The following FBXL14 variants were observed in gnomAD, a reference collection of about 807,000 sequenced individuals.
FBXL14 encodes the protein F-box and leucine rich repeat protein 14.
Under a neutral mutation model 24.5 loss-of-function variants are expected in FBXL14, and 11 were observed. The observed-to-expected ratio is 0.45, with a 90% CI of 0.28 to 0.74. The LOEUF (loss-of-function observed/expected upper bound fraction) is 0.74. Among genes scored for constraint, FBXL14 ranks in the 30% least tolerant of loss-of-function variants. The pLI is 0.12. For synonymous variants in FBXL14, 294 were observed against 240.4 expected, an observed-to-expected ratio of 1.22 and a Z score of -2.06; for missense variants, 384 against 545.6, an observed-to-expected ratio of 0.70 and a Z score of 2.95.
At chr12:1,571,777 A>T (rs2094445940) in intron 1 of FBXL14, among the ~76,000 whole-genome samples, 1 of 152,232 alleles carries the variant, frequency 6.6e-6, no homozygotes, top group Non-Finnish European at 1.5e-5. Context: ...CTAATAGCTC[A>T]GTCTGTCTTC....
At chr12:1,585,057 T>C (rs1252773630) in intron 1 of FBXL14, among the ~76,000 whole-genome samples, 2 of 152,206 alleles carry the variant, frequency 1.3e-5, no homozygotes, top group Non-Finnish European at 2.9e-5. Flanking sequence ...GGCTCCTCCC[T>C]GTTTAGTGAC....
intron 1 of FBXL14, among the ~76,000 whole-genome samples, chr12:1,580,567 C>G (rs187394685): frequency 6.6e-6 from 1 of 152,070 alleles, no homozygotes; most frequent in Non-Finnish European, 1.5e-5. Context: ...CTATTCTTCT[C>G]TAGTAATCCC....
intron 1 of FBXL14, among the ~76,000 whole-genome samples, chr12:1,590,284 G>A (rs984112007): frequency 6.6e-6 from 1 of 152,126 alleles, no homozygotes; most frequent in African/African-American, 2.4e-5. Context: ...GGAACAATGC[G>A]GCTTTTGTGA....
At chr12:1,577,508 AC>A (rs1294590323) in intron 1 of FBXL14, among the ~76,000 whole-genome samples, 1 of 152,200 alleles carries the variant, frequency 6.6e-6, no homozygotes, top group Non-Finnish European at 1.5e-5. Context: ...TAATTTTTTA[AC>A]CCTGCGGTGT....
intron 1 of FBXL14, 115 bp from the exon 2 acceptor site, chr12:1,566,925 G>A: frequency 1.6e-6 from 1 of 640,434 alleles, no homozygotes; most frequent in South Asian, 1.8e-5. Context: ...TAACTGACCT[G>A]GGGGAAGGGA....
chr12:1,572,188 A>G (rs985536400), intron 1 of FBXL14, among the ~76,000 whole-genome samples: 10 of 152,260 alleles, frequency 6.6e-5, no homozygotes, highest in Non-Finnish European at 1.5e-5. Context: ...TTTAGGTGAC[A>G]GTATGACAAT....
chr12:1,590,702 C>T (rs1385942996), intron 1 of FBXL14, among the ~76,000 whole-genome samples: 1 of 152,186 alleles, frequency 6.6e-6, no homozygotes, highest in African/African-American at 2.4e-5. Context: ...GTGCAAAATC[C>T]TGGCCAAGCT....
At position 1,593,740 on chromosome 12, in the gene FBXL14, G is replaced by A. The variant is rs369693385; in HGVS notation, c.327C>T (p.Gly109=). The change falls in exon 1 of 2, where the codon GGC becomes GGT. Residue 109 remains glycine, a synonymous_variant. Transcript: ENST00000339235. This position sits in a 1 kb window ranked among gnomAD's most constrained non-coding sequence, Gnocchi z 7.4. ...AGCCGATCTCCTGCACAAACGCGTG[G>A]CCCAGCCCGTTGTCGGTGAGGTTGT... ...GCYNLTDNGL[G]HAFVQEIGSL... is the part of the protein sequence containing the mutation. 2 of 1,614,136 alleles carry A rather than the reference G, an allele frequency of 1.2e-6. No homozygotes were observed. The highest frequency in any genetic ancestry group is 1.7e-5 in the Admixed American group (1 of 60,034).
At position 1,569,469 on chromosome 12, in the gene FBXL14, C is replaced by T. The variant is rs576116482; in HGVS notation, c.1195-2659G>A. 4.2e-4 allele frequency among the ~76,000 whole-genome samples: 63 copies of T among 151,350 alleles called. No homozygotes were observed. The highest frequency in any genetic ancestry group is 7.8e-4 in the Non-Finnish European group (53 of 67,898). On this transcript the variant is annotated intron_variant, in intron 1 of 1. Transcript: ENST00000339235. The surrounding 1 kb of genome is among the most constrained non-coding windows in gnomAD (Gnocchi z 4.2). ...AGGCTAGAGTGCAGTGCCGCAATCT[C>T]GGCTCACTGCAAGCTCCGCTTCCCG...
intron 1 of FBXL14, among the ~76,000 whole-genome samples, chr12:1,572,327 G>T (rs939787676): frequency 2.0e-5 from 3 of 152,212 alleles, no homozygotes; most frequent in Non-Finnish European, 4.4e-5. Context: ...CATGAAACCA[G>T]CACCACAGTC....
intron 1 of FBXL14, among the ~76,000 whole-genome samples, chr12:1,575,765 T>C (rs914889318): frequency 1.2e-4 from 19 of 152,034 alleles, no homozygotes; most frequent in African/African-American, 4.3e-4. Flanking sequence ...GTGGAGTGTG[T>C]GCAATCATGT....
rs1475111352 is a variant in FBXL14 at position 1,566,671 on chromosome 12, C to T, written c.*77G>A. On this transcript the variant is annotated 3_prime_UTR_variant, in exon 2 of 2. Coordinates refer to ENST00000339235, the MANE Select transcript of FBXL14 (RefSeq NM_152441.3). ...GGCAGGGAAACCTGAGCTGTCATCA[C>T]CAGAGTGCCGGAGGCGCAGAGCGGG... The T allele has an allele frequency of 1.3e-6, 1 of 772,798 alleles. No homozygotes were observed. The highest frequency in any genetic ancestry group is 1.7e-5 in the Admixed American group (1 of 58,312). 47.9% of individuals were successfully genotyped at this position (772,798 alleles called of 1,614,324 possible).
At position 1,592,784 on chromosome 12, in the gene FBXL14, A is replaced by G; in HGVS notation, c.1194+89T>C. ...TCATCCGCTGCAATGATCTGTGCGT[A>G]AGTGTGCGTGTGAGTGTGTGGGGGC... On this transcript the variant is annotated intron_variant, in intron 1 of 1. Coordinates refer to ENST00000339235, the MANE Select transcript of FBXL14 (RefSeq NM_152441.3). The G allele has an allele frequency of 1.1e-5, 12 of 1,122,538 alleles. No individual in the cohort carries two copies. The South Asian group carries it at 1.5e-4, about 14-fold the overall frequency. The allele number at this position is 1,122,538 out of a possible 1,614,324, so 69.5% of individuals were successfully genotyped here. A position where few individuals can be genotyped will look rare whatever the true frequency, so the allele number is the denominator to read the frequency against.
chr12:1,587,192 G>A (rs2094478452), intron 1 of FBXL14, among the ~76,000 whole-genome samples: 1 of 148,138 alleles, frequency 6.8e-6, no homozygotes, highest in African/African-American at 2.5e-5. Context: ...AGCCAAGATC[G>A]TGCCATTGCA....
chr12:1,585,461 C>T (rs2094474753), intron 1 of FBXL14, among the ~76,000 whole-genome samples: 1 of 152,056 alleles, frequency 6.6e-6, no homozygotes, highest in African/African-American at 2.4e-5. Context: ...CCAAGATTTC[C>T]TAAGGAGAAA....
chr12:1,573,240 A>G (rs2094448506), intron 1 of FBXL14, among the ~76,000 whole-genome samples: 1 of 152,184 alleles, frequency 6.6e-6, no homozygotes, highest in African/African-American at 2.4e-5. Flanking sequence ...GGTAAATGCC[A>G]GTACTGTCTG....
chr12:1,579,098 C>G lies in FBXL14; in HGVS notation c.1195-12288G>C, dbSNP rs2094461348. On this transcript the variant is annotated intron_variant, in intron 1 of 1. Coordinates refer to ENST00000339235, the MANE Select transcript of FBXL14 (RefSeq NM_152441.3). The surrounding 1 kb of genome is among the most constrained non-coding windows in gnomAD (Gnocchi z 4.3). ...GCTTTCTTTAGGGAAACGACATGGT[C>G]TCCTCCTGTAACACTCCCCAAAAGA... 6.6e-6 allele frequency among the ~76,000 whole-genome samples: 1 copy of G among 152,062 alleles called. No homozygotes were observed. The highest frequency in any genetic ancestry group is 1.5e-5 in the Non-Finnish European group (1 of 68,012).
chr12:1,588,778 T>C (rs2094482097), intron 1 of FBXL14, among the ~76,000 whole-genome samples: 2 of 152,204 alleles, frequency 1.3e-5, no homozygotes, highest in Non-Finnish European at 2.9e-5. Flanking sequence ...ACCAAGTTTT[T>C]TTCTGTTATT....
rs1234538045 is a variant in FBXL14, at chr12:1,565,995, G to A, written c.*753C>T. ...GAAACAACAACAAAAAACCCAAATG[G>A]AATCTATAAAGGGAAGACAGATATA... On this transcript the variant is annotated 3_prime_UTR_variant, in exon 2 of 2. Transcript: ENST00000339235. 1.3e-5 allele frequency: 2 copies of A among 152,482 alleles called. No homozygotes were observed. Among genetic ancestry groups the A allele is most frequent in the Non-Finnish European group, 2.9e-5 (2 of 68,030 alleles). The allele number at this position is 152,482 out of a possible 1,614,324, so 9.4% of individuals were successfully genotyped here. A position where few individuals can be genotyped will look rare whatever the true frequency, so the allele number is the denominator to read the frequency against.
Sources: gnomAD v4.1 joint callset for allele counts (sites outside exome capture counted in the v4.1 genomes callset) on GRCh38, gnomAD v4.1.1 for gene constraint, Gnocchi (gnomAD v3.1) non-coding constraint, MANE v1.5 for transcripts, NCBI Gene and HGNC (gene_info 2026-07-23, HGNC 2026-07-21) for gene names.